The following NAA60 variants were observed in gnomAD, a reference collection of about 807,000 sequenced individuals.
NAA60 encodes N-alpha-acetyltransferase 60, NatF catalytic subunit, also known as N-alpha-acetyltransferase 60.
Under a neutral mutation model 26.1 loss-of-function variants are expected in NAA60, and 8 were observed. The observed-to-expected ratio is 0.31, with a 90% CI of 0.18 to 0.55. NAA60 has a LOEUF of 0.55. Among genes scored for constraint, NAA60 ranks in the 20% least tolerant of loss-of-function variants. The probability of loss-of-function intolerance (pLI) is 0.93; values close to 1 mark genes in which losing one functional copy is unlikely to be tolerated. For missense variants in NAA60, 290 were observed against 311.3 expected (o/e 0.93, Z 0.51); for synonymous variants, 131 against 122.5 (o/e 1.07, Z -0.46).
At chr16:3,473,521 CAT>C (rs1408166021) in intron 2 of NAA60, among the ~76,000 whole-genome samples, 3 of 152,152 alleles carry the variant, frequency 2.0e-5, no homozygotes, top group East Asian at 3.8e-4. Flanking sequence ...CCTCCCAGAA[CAT>C]GTGGGAATTT....
At chr16:3,483,872 C>A in intron 6 of NAA60, 1 of 489,068 alleles carries the variant, frequency 2.0e-6, no homozygotes, top group Non-Finnish European at 3.6e-6. Context: ...GGATTATAGG[C>A]ATGAGCCCTG....
intron 2 of NAA60, chr16:3,456,731 A>G (rs1402637320): frequency 6.6e-6 from 1 of 152,132 alleles, no homozygotes; most frequent in East Asian, 1.9e-4. Context: ...GTTATTTTTT[A>G]AAAGGAGAAG....
At chr16:3,476,405 G>A (rs2036486799) in intron 3 of NAA60, 68 bp downstream of exon 3, 2 of 1,337,894 alleles carry the variant, frequency 1.5e-6, no homozygotes, top group South Asian at 2.5e-5. Flanking sequence ...GGGCGGCGGG[G>A]GTGGGGGCCT....
rs1456746965 is a variant in NAA60 at position 3,445,888 on chromosome 16, TA to T, written c.-77+2052del. Among the ~76,000 whole-genome samples, 4 of 152,318 alleles carry T rather than the reference TA, an allele frequency of 2.6e-5. No individual in the cohort carries two copies. In the East Asian group the frequency reaches 7.7e-4, roughly 29 times the overall value. ...AAAGAAGGAGGAAGCTTGAAAGCTTTATCTTCCTGAAAATAAAGAGATGACA... is the reference window on the plus strand; with the variant it reads ...AAAGAAGGAGGAAGCTTGAAAGCTTTTCTTCCTGAAAATAAAGAGATGACA... On this transcript the variant is annotated intron_variant, in intron 1 of 7. Coordinates refer to ENST00000407558, the MANE Select transcript of NAA60 (RefSeq NM_001083601.3).
rs554640642 is a variant in NAA60 at position 3,480,531 on chromosome 16, A to G, written c.240+931A>G. 2.0e-5 allele frequency among the ~76,000 whole-genome samples: 3 copies of G among 151,636 alleles called. No individual in the cohort carries two copies. In the East Asian group the frequency reaches 5.8e-4, roughly 29 times the overall value. On this transcript the variant is annotated intron_variant, in intron 4 of 7. Coordinates refer to ENST00000407558, the MANE Select transcript of NAA60 (RefSeq NM_001083601.3). ...AGAATCGCTTGAACCCACGAGGCAG[A>G]GGTTGCAGTGAGCCGAGATCGTGCC...
At chr16:3,459,917 T>G (rs3810811) in intron 2 of NAA60, among the ~76,000 whole-genome samples, 2 of 152,170 alleles carry the variant, frequency 1.3e-5, no homozygotes, top group Non-Finnish European at 1.5e-5. Context: ...CAGATTAGAA[T>G]GGAAGAAAGT....
chr16:3,457,972 G>A, intron 2 of NAA60: 5 of 985,144 alleles, frequency 5.1e-6, no homozygotes, highest in Non-Finnish European at 6.0e-6. Context: ...GGGGCCACGT[G>A]GGGGCGGCGG....
intron 2 of NAA60, among the ~76,000 whole-genome samples, chr16:3,474,214 CAGAG>C (rs2036330340): frequency 1.3e-5 from 2 of 152,220 alleles, no homozygotes; most frequent in South Asian, 4.1e-4. Flanking sequence ...AGTTAGGAGT[CAGAG>C]CAGAGCTGCT....
At chr16:3,447,253 A>G (rs2034592714) in intron 1 of NAA60, among the ~76,000 whole-genome samples, 1 of 152,262 alleles carries the variant, frequency 6.6e-6, no homozygotes, top group Non-Finnish European at 1.5e-5. Flanking sequence ...AACAAAAACA[A>G]TAACAAAGTT....
intron 2 of NAA60, among the ~76,000 whole-genome samples, chr16:3,467,279 G>C (rs986234740): frequency 4.1e-4 from 63 of 152,048 alleles, no homozygotes; most frequent in African/African-American, 1.5e-3. Context: ...CTGGGAGCAT[G>C]TTAGGGGCTC....
chr16:3,458,051 G>C, intron 2 of NAA60: 1 of 985,270 alleles, frequency 1.0e-6, no homozygotes, highest in Non-Finnish European at 1.2e-6. Flanking sequence ...TGCCGCCTCC[G>C]TCCCGGCTGC....
chr16:3,449,707 C>T (rs927019346), intron 2 of NAA60, among the ~76,000 whole-genome samples: 2 of 152,026 alleles, frequency 1.3e-5, no homozygotes, highest in Non-Finnish European at 2.9e-5. Flanking sequence ...TGTGTCCCCA[C>T]CCAAATCTCA....
chr16:3,465,534 G>A (rs866484325), intron 2 of NAA60, among the ~76,000 whole-genome samples: 1 of 152,136 alleles, frequency 6.6e-6, no homozygotes, highest in Non-Finnish European at 1.5e-5. Context: ...AGCAGGGAAG[G>A]TGCTGTCCCC....
chr16:3,458,182 G>A (rs2035107932), intron 2 of NAA60: 2 of 984,880 alleles, frequency 2.0e-6, no homozygotes, highest in East Asian at 1.1e-4. Flanking sequence ...CCCCCACGAG[G>A]TGAGGTGGCG....
At chr16:3,484,323 T>G (rs946043979) in intron 6 of NAA60, among the ~76,000 whole-genome samples, 1 of 152,180 alleles carries the variant, frequency 6.6e-6, no homozygotes, top group Non-Finnish European at 1.5e-5. Context: ...GTTGACCCCC[T>G]CCTTGTCATA....
chr16:3,479,734 A>C, intron 4 of NAA60, 134 bp downstream of exon 4: 1 of 977,950 alleles, frequency 1.0e-6, no homozygotes, highest in Admixed American at 2.6e-5. Context: ...CCAAGTGGCC[A>C]ACGACACTTG....
chr16:3,466,102 A>AGCACATCGCCATC (rs2035742815), intron 2 of NAA60, among the ~76,000 whole-genome samples: 1 of 152,250 alleles, frequency 6.6e-6, no homozygotes, highest in African/African-American at 2.4e-5. Flanking sequence ...AACAAGACGT[A>AGCACATCGCCATC]GCACATCGCC....
intron 2 of NAA60, among the ~76,000 whole-genome samples, chr16:3,456,125 C>G (rs2034982492): frequency 6.6e-6 from 1 of 152,208 alleles, no homozygotes; most frequent in African/African-American, 2.4e-5. Context: ...ACACACACCC[C>G]GTGGAAACAA....
At chr16:3,473,129 G>A (rs1430015470) in intron 2 of NAA60, among the ~76,000 whole-genome samples, 1 of 152,034 alleles carries the variant, frequency 6.6e-6, no homozygotes, top group Non-Finnish European at 1.5e-5. Context: ...TCTGCCACCC[G>A]GGTTCAAGCG....
Sources: gnomAD v4.1 joint callset for allele counts (sites outside exome capture counted in the v4.1 genomes callset) on GRCh38, gnomAD v4.1.1 for gene constraint, MANE v1.5 for transcripts, NCBI Gene and HGNC (gene_info 2026-07-23, HGNC 2026-07-21) for gene names.